ANO2: variants seen among roughly 807,000 people sequenced by gnomAD.
ANO2 encodes the protein anoctamin-2.
ANO2 carries 101 observed loss-of-function variants against 124.2 expected under a neutral mutation model. The ratio of observed to expected loss-of-function variants is 0.81; its 90% CI spans 0.69 to 0.96. The LOEUF is 0.96. Among genes scored for constraint, ANO2 ranks in the 40% least tolerant of loss-of-function variants. ANO2 has a pLI of 0.00. For missense variants in ANO2, 1,293 were observed against 1,274.5 expected (o/e 1.01, Z -0.22); for synonymous variants, 486 against 482.5 (o/e 1.01, Z -0.09).
At chr12:5,932,263 G>A (rs1231123985) in intron 1 of ANO2, among the ~76,000 whole-genome samples, 2 of 151,628 alleles carry the variant, frequency 1.3e-5, no homozygotes, top group East Asian at 1.9e-4. Context: ...GACTAGTAAG[G>A]AAGGAAGACT....
chr12:5,769,346 C>T lies in ANO2; in HGVS notation c.1056-18376G>A, dbSNP rs1180947582. The stretch of plus-strand genomic sequence containing the variant: ...TGTCACTGGCTCTGCAAGCAGCAGA[C>T]GCATTCAGAGGAGCAAACAGGCCCA... On this transcript the variant is annotated intron_variant, in intron 10 of 24. Coordinates refer to ENST00000682330, the MANE Select transcript of ANO2 (RefSeq NM_001364791.2). The surrounding 1 kb of genome is among the most constrained non-coding windows in gnomAD (Gnocchi z 4.0). 5.9e-5 allele frequency among the ~76,000 whole-genome samples: 9 copies of T among 152,058 alleles called. No individual in the cohort carries two copies. The highest frequency in any genetic ancestry group is 3.4e-3 in the Middle Eastern group (1 of 292).
intron 7 of ANO2, 95 bp from the exon 8 acceptor site, chr12:5,807,463 C>G (rs1432559517): frequency 5.6e-6 from 6 of 1,071,110 alleles, no homozygotes; most frequent in Non-Finnish European, 8.1e-6. Context: ...ACATGCCCCC[C>G]CAGTTGAGAA....
intron 11 of ANO2, among the ~76,000 whole-genome samples, chr12:5,745,440 G>T (rs1951237883): frequency 6.6e-6 from 1 of 152,226 alleles, no homozygotes; most frequent in Non-Finnish European, 1.5e-5. Flanking sequence ...GTTTCCAACA[G>T]AAAGAAGCAG....
intron 14 of ANO2, among the ~76,000 whole-genome samples, chr12:5,695,755 C>A (rs748169895): frequency 6.6e-6 from 1 of 152,134 alleles, no homozygotes; most frequent in Non-Finnish European, 1.5e-5. Context: ...GTAGGAGCAT[C>A]GCTTGAACCT....
chr12:5,789,825 G>A (rs1328971246), intron 10 of ANO2, among the ~76,000 whole-genome samples: 1 of 152,214 alleles, frequency 6.6e-6, no homozygotes, highest in Non-Finnish European at 1.5e-5. Context: ...CTATCTTGCG[G>A]TTGTTGTTGT....
At position 5,672,603 on chromosome 12, in the gene ANO2, A is replaced by G. The variant is rs112661787; in HGVS notation, c.1546-24802T>C. Among the ~76,000 whole-genome samples, 105 of 50,876 alleles carry G rather than the reference A, an allele frequency of 2.1e-3. 1 individual carries two copies. Among genetic ancestry groups the G allele is most frequent in the Admixed American group, 5.5e-3 (27 of 4,950 alleles). The allele number at this position is 50,876 out of a possible 152,430, so 33.4% of individuals were successfully genotyped here. ...CTCGTGTGTGTGTGTGTGTGTGCAC[A>G]TGCATGTGTGTGTGCACATGTGTGT... On this transcript the variant is annotated intron_variant, in intron 14 of 24. Coordinates refer to ENST00000682330, the MANE Select transcript of ANO2 (RefSeq NM_001364791.2).
chr12:5,741,972 G>A (rs747657625), intron 12 of ANO2, among the ~76,000 whole-genome samples: 9 of 152,062 alleles, frequency 5.9e-5, no homozygotes, highest in Admixed American at 1.3e-4. Context: ...ACCTCTATTC[G>A]GAAAAGAGTT....
rs1306172626 is a variant in ANO2 at position 5,627,237 on chromosome 12, C to T, written c.1816+7915G>A. Among the ~76,000 whole-genome samples the T allele has an allele frequency of 2.0e-5, 3 of 149,820 alleles. No homozygotes were observed. The South Asian group carries it at 6.2e-4, about 31-fold the overall frequency. ...TTTAAGCCAACATCATGGAGGGGGT[C>T]CCCCAACAAGCATAGAATCCCCCCT... On this transcript the variant is annotated intron_variant, in intron 16 of 24. Transcript: ENST00000682330.
intron 14 of ANO2, among the ~76,000 whole-genome samples, chr12:5,659,087 TC>T (rs1947320204): frequency 6.6e-6 from 1 of 152,084 alleles, no homozygotes; most frequent in Non-Finnish European, 1.5e-5. Flanking sequence ...GGTCCCACTG[TC>T]CCCTCAGACC....
At chr12:5,814,760 G>A (rs1256033206) in intron 7 of ANO2, among the ~76,000 whole-genome samples, 1 of 152,318 alleles carries the variant, frequency 6.6e-6, no homozygotes, top group East Asian at 1.9e-4. Flanking sequence ...ACTGGGAAGG[G>A]CTCAGCTTCC....
At chr12:5,570,910 A>G (rs893141821) in intron 23 of ANO2, among the ~76,000 whole-genome samples, 1 of 152,204 alleles carries the variant, frequency 6.6e-6, no homozygotes, top group African/African-American at 2.4e-5. Flanking sequence ...ACTAATGAGT[A>G]GCATGTCAAT....
chr12:5,643,766 T>G (rs1358168523), intron 15 of ANO2, among the ~76,000 whole-genome samples: 1 of 152,244 alleles, frequency 6.6e-6, no homozygotes, highest in Admixed American at 6.5e-5. Flanking sequence ...TGGTTTAAAT[T>G]AGAATTTCCA....
At chr12:5,864,727 C>T (rs73257228) in intron 3 of ANO2, among the ~76,000 whole-genome samples, 2,552 of 152,266 alleles carry the variant, frequency 0.017, 70 homozygotes, top group African/African-American at 0.054. Flanking sequence ...TGTTTATTCC[C>T]CTTGCCTCAT....
intron 20 of ANO2, among the ~76,000 whole-genome samples, chr12:5,582,309 C>T (rs1046388192): frequency 6.6e-6 from 1 of 152,234 alleles, no homozygotes; most frequent in African/African-American, 2.4e-5. Flanking sequence ...AGGCTGGAAA[C>T]TCCTCCATGC....
chr12:5,813,827 T>C (rs1432916985), intron 7 of ANO2, among the ~76,000 whole-genome samples: 2 of 152,112 alleles, frequency 1.3e-5, no homozygotes, highest in Non-Finnish European at 2.9e-5. Flanking sequence ...GTCTGGGAAA[T>C]GTTAGAGTCA....
intron 10 of ANO2, among the ~76,000 whole-genome samples, chr12:5,788,825 C>G (rs1952616458): frequency 6.6e-6 from 1 of 152,218 alleles, no homozygotes; most frequent in African/African-American, 2.4e-5. Flanking sequence ...TCTCAAAGTG[C>G]TGGGATTACA....
At chr12:5,654,895 A>C (rs1305185668) in intron 14 of ANO2, among the ~76,000 whole-genome samples, 4 of 152,218 alleles carry the variant, frequency 2.6e-5, no homozygotes, top group African/African-American at 9.6e-5. Flanking sequence ...CAGAGCAGCC[A>C]TCCCACTTCT....
chr12:5,682,349 C>G (rs978455085), intron 14 of ANO2, among the ~76,000 whole-genome samples: 1 of 152,094 alleles, frequency 6.6e-6, no homozygotes, highest in Admixed American at 6.5e-5. Flanking sequence ...CTCTCTCTCT[C>G]TCTCTCTCTC....
intron 10 of ANO2, among the ~76,000 whole-genome samples, chr12:5,795,450 C>T (rs1421571280): frequency 6.6e-6 from 1 of 152,198 alleles, no homozygotes; most frequent in East Asian, 1.9e-4. Context: ...TACCCCTCTT[C>T]AGACTGCAGG....
Sources: allele counts gnomAD v4.1 joint callset (sites outside exome capture counted in the v4.1 genomes callset), GRCh38; gene constraint gnomAD v4.1.1; non-coding constraint Gnocchi (gnomAD v3.1); transcripts MANE v1.5; gene names NCBI Gene and HGNC (gene_info 2026-07-23, HGNC 2026-07-21).